PINX1: variants seen among roughly 807,000 people sequenced by gnomAD.
PINX1 encodes the protein PIN2 (TERF1) interacting telomerase inhibitor 1.
A neutral mutation model predicts 25.4 loss-of-function variants in PINX1; 34 were observed. The ratio of observed to expected loss-of-function variants is 1.34; its 90% CI spans 1.02 to 1.78. The LOEUF is 1.78. Among genes scored for constraint, PINX1 ranks in the 40% most tolerant of loss-of-function variants. The probability of loss-of-function intolerance (pLI) is 0.00; values close to 1 mark genes in which losing one functional copy is unlikely to be tolerated. For synonymous variants in PINX1, 197 were observed against 147.7 expected, an observed-to-expected ratio of 1.33 and a Z score of -2.42; for missense variants, 592 against 404.9, an observed-to-expected ratio of 1.46 and a Z score of -3.97.
In PINX1 at chr8:10,775,430, T is replaced by G. The variant is rs1303864964; in HGVS notation, c.472-9514A>C. Among the ~76,000 whole-genome samples the G allele has an allele frequency of 5.4e-5, 8 of 149,454 alleles. 1 individual carries two copies. Among genetic ancestry groups the G allele is most frequent in the Non-Finnish European group, 8.9e-5 (6 of 67,452 alleles). Reference sequence around the variant, plus strand: ...TTGTGGTTTTTTTTTTTTTTTTTTTTTTTTTTTTTTGCCTTTAAAAATTTT... The same window carrying G: ...TTGTGGTTTTTTTTTTTTTTTTTTTGTTTTTTTTTTGCCTTTAAAAATTTT... On this transcript the variant is annotated intron_variant, in intron 6 of 6. Coordinates refer to ENST00000314787, the MANE Select transcript of PINX1 (RefSeq NM_017884.6).
intron 6 of PINX1, among the ~76,000 whole-genome samples, chr8:10,817,980 G>C (rs1160366250): frequency 6.6e-6 from 1 of 152,052 alleles, no homozygotes; most frequent in African/African-American, 2.4e-5. Context: ...TAGATACCTG[G>C]ACCCTGACCG....
At chr8:10,777,162 G>A (rs1801420808) in intron 6 of PINX1, among the ~76,000 whole-genome samples, 1 of 152,242 alleles carries the variant, frequency 6.6e-6, no homozygotes, top group Admixed American at 6.5e-5. Flanking sequence ...CCTTGGGTGT[G>A]TTGGCAGGCC....
chr8:10,803,523 T>C (rs763432224), intron 6 of PINX1, among the ~76,000 whole-genome samples: 5 of 152,260 alleles, frequency 3.3e-5, no homozygotes, highest in African/African-American at 4.8e-5. Flanking sequence ...TGACTTATTG[T>C]AGAAATTGGG....
intron 1 of PINX1, among the ~76,000 whole-genome samples, chr8:10,838,592 ATGCTGAAT>A (rs1043290090): frequency 6.6e-6 from 1 of 152,242 alleles, no homozygotes; most frequent in Non-Finnish European, 1.5e-5. Context: ...CGCCAAGTGC[ATGCTGAAT>A]TAAGCAAACA....
intron 6 of PINX1, among the ~76,000 whole-genome samples, chr8:10,780,270 A>C (rs1022152168): frequency 6.6e-6 from 1 of 152,176 alleles, no homozygotes; most frequent in Non-Finnish European, 1.5e-5. Flanking sequence ...AAATGGCAAG[A>C]ATGGACATCC....
At chr8:10,775,642 T>A (rs928756038) in intron 6 of PINX1, among the ~76,000 whole-genome samples, 1 of 152,180 alleles carries the variant, frequency 6.6e-6, no homozygotes, top group East Asian at 1.9e-4. Flanking sequence ...TGAGTGGCAC[T>A]GCTATAAAAT....
intron 5 of PINX1, chr8:10,825,478 G>C (rs74675323): frequency 1.1e-5 from 6 of 533,974 alleles, no homozygotes; most frequent in Non-Finnish European, 2.3e-5. Flanking sequence ...GGTTCTATTA[G>C]GTTAAATTGC....
intron 6 of PINX1, among the ~76,000 whole-genome samples, chr8:10,779,234 C>G (rs894844930): frequency 8.5e-5 from 13 of 152,178 alleles, no homozygotes; most frequent in African/African-American, 2.9e-4. Context: ...GAAGAAAGAT[C>G]CTGGGCGTCA....
chr8:10,816,448 C>A (rs556554811), intron 6 of PINX1, among the ~76,000 whole-genome samples: 1 of 152,328 alleles, frequency 6.6e-6, no homozygotes, highest in South Asian at 2.1e-4. Context: ...AATACACAAG[C>A]AACACAACAT....
At chr8:10,823,880 T>C (rs1458975586) in intron 5 of PINX1, among the ~76,000 whole-genome samples, 1 of 152,212 alleles carries the variant, frequency 6.6e-6, no homozygotes, top group Non-Finnish European at 1.5e-5. Flanking sequence ...TAGCAAATTT[T>C]ACAACACTAT....
At chr8:10,807,733 C>G (rs1389041044) in intron 6 of PINX1, among the ~76,000 whole-genome samples, 3 of 152,160 alleles carry the variant, frequency 2.0e-5, no homozygotes, top group African/African-American at 4.8e-5. Flanking sequence ...ATACCCAGAC[C>G]ATCTGCCACA....
chr8:10,821,114 G>A (rs773139028), intron 5 of PINX1, among the ~76,000 whole-genome samples: 1 of 152,230 alleles, frequency 6.6e-6, no homozygotes, highest in African/African-American at 2.4e-5. Context: ...TCCATGTAAA[G>A]GCTTGAGGCT....
At chr8:10,804,819 T>TA (rs1444790197) in intron 6 of PINX1, among the ~76,000 whole-genome samples, 1 of 151,976 alleles carries the variant, frequency 6.6e-6, no homozygotes, top group Non-Finnish European at 1.5e-5. Flanking sequence ...ATCCAATTAT[T>TA]AAAAATGTGC....
At chr8:10,794,191 G>A (rs780497773) in intron 6 of PINX1, among the ~76,000 whole-genome samples, 12 of 152,198 alleles carry the variant, frequency 7.9e-5, no homozygotes, top group South Asian at 2.1e-4. Context: ...GGGCTCAGAT[G>A]AACCAAAATA....
At chr8:10,767,731 A>G (rs9650658) in intron 6 of PINX1, among the ~76,000 whole-genome samples, 17,713 of 140,672 alleles carry the variant, frequency 0.13, 1,252 homozygotes, top group Non-Finnish European at 0.19. Flanking sequence ...ACAGCCACAG[A>G]GACAGGCTCG....
chr8:10,827,910 CA>C (rs35913986), intron 4 of PINX1, among the ~76,000 whole-genome samples: 3,004 of 82,300 alleles, frequency 0.037, 92 homozygotes, highest in African/African-American at 0.14. Context: ...GACTCCATCT[CA>C]AAAAAAAAAA....
At position 10,826,139 on chromosome 8, in the gene PINX1, T is replaced by C. The variant is rs188458176; in HGVS notation, c.394+13A>G. On this transcript the variant is annotated intron_variant, in intron 5 of 6. Coordinates refer to ENST00000314787, the MANE Select transcript of PINX1 (RefSeq NM_017884.6). ...TAGATTTCAATAACAAGTAAAGAAA[T>C]GCTTAATCTTACCTTTTGTGAATTT... 168 of 1,424,050 alleles carry C rather than the reference T, an allele frequency of 1.2e-4. 1 individual carries two copies. The African/African-American group carries it at 1.8e-3, about 16-fold the overall frequency. 88.2% of individuals were successfully genotyped at this position (1,424,050 alleles called of 1,614,324 possible).
intron 6 of PINX1, among the ~76,000 whole-genome samples, chr8:10,816,668 C>T (rs11779336): frequency 0.11 from 16,942 of 152,256 alleles, 1,506 homozygotes; most frequent in African/African-American, 0.24. Flanking sequence ...CACAAAGTTA[C>T]GATACAGCAT....
At chr8:10,835,453 T>C (rs935642984) in intron 1 of PINX1, among the ~76,000 whole-genome samples, 1 of 152,190 alleles carries the variant, frequency 6.6e-6, no homozygotes, top group Non-Finnish European at 1.5e-5. Flanking sequence ...GTCATTATGC[T>C]CTTGGGGAGA....
Sources: gnomAD v4.1 joint callset for allele counts (sites outside exome capture counted in the v4.1 genomes callset) on GRCh38, gnomAD v4.1.1 for gene constraint, MANE v1.5 for transcripts, NCBI Gene and HGNC (gene_info 2026-07-23, HGNC 2026-07-21) for gene names.